Variants in KCNIP1 observed in about 807,000 individuals in gnomAD.
KCNIP1 encodes the protein potassium voltage-gated channel interacting protein 1, also known as A-type potassium channel modulatory protein KCNIP1.
In KCNIP1, 18 loss-of-function variants were observed where a neutral mutation model predicts 33.0. That is an observed-to-expected ratio of 0.55 (90% CI 0.38 to 0.81). The LOEUF (loss-of-function observed/expected upper bound fraction) is 0.81, where lower values mean the gene tolerates loss of function less well. Among genes scored for constraint, KCNIP1 ranks in the 30% least tolerant of loss-of-function variants. KCNIP1 has a pLI of 0.00. For synonymous variants in KCNIP1, 93 were observed against 98.3 expected (o/e 0.95, Z 0.32); for missense variants, 238 against 271.6 (o/e 0.88, Z 0.87).
At chr5:170,468,454 T>C (rs1301289147) in intron 1 of KCNIP1, among the ~76,000 whole-genome samples, 1 of 152,222 alleles carries the variant, frequency 6.6e-6, no homozygotes, top group African/African-American at 2.4e-5. Context: ...TGGAGGAACT[T>C]GGGTCCATAT....
At chr5:170,505,864 T>C (rs1369291385) in intron 1 of KCNIP1, among the ~76,000 whole-genome samples, 1 of 152,118 alleles carries the variant, frequency 6.6e-6, no homozygotes, top group South Asian at 2.1e-4. Flanking sequence ...TCCTAGAACA[T>C]AGGAAGAGGC....
intron 1 of KCNIP1, among the ~76,000 whole-genome samples, chr5:170,657,552 T>G (rs1198411437): frequency 1.3e-5 from 2 of 152,160 alleles, no homozygotes; most frequent in Non-Finnish European, 2.9e-5. Flanking sequence ...CCCTTGAGAT[T>G]AACCCTTTCC....
chr5:170,693,399 G>A (rs139782945), intron 1 of KCNIP1, among the ~76,000 whole-genome samples: 1 of 152,302 alleles, frequency 6.6e-6, no homozygotes, highest in East Asian at 1.9e-4. Flanking sequence ...CATCTGCTGT[G>A]CATCCTCTGT....
At position 170,675,002 on chromosome 5, in the gene KCNIP1, C is replaced by T. The variant is rs532152424; in HGVS notation, c.62-43756C>T. On this transcript the variant is annotated intron_variant, in intron 1 of 7. Transcript: ENST00000328939. ...TTTTTTTTTTTTAACCTTTCAGCAT[C>T]TGTCTAAAATTGCTCTGGGCTGGGT... is the stretch of plus-strand genomic sequence containing the variant. Among the ~76,000 whole-genome samples, 156 of 151,642 alleles carry T rather than the reference C, an allele frequency of 1.0e-3. 2 individuals are homozygous for T. Among genetic ancestry groups the T allele is most frequent in the African/African-American group, 3.6e-3 (148 of 41,332 alleles).
chr5:170,592,866 T>C (rs1758312250), intron 1 of KCNIP1, among the ~76,000 whole-genome samples: 1 of 152,188 alleles, frequency 6.6e-6, no homozygotes, highest in African/African-American at 2.4e-5. Context: ...AAATTAACAC[T>C]GCCATGCTTA....
intron 1 of KCNIP1, among the ~76,000 whole-genome samples, chr5:170,684,201 T>C (rs2113801577): frequency 1.3e-5 from 2 of 152,304 alleles, no homozygotes; most frequent in South Asian, 2.1e-4. Context: ...TTTCCTCATT[T>C]ATAAAATAAA....
chr5:170,720,522 C>CCACCT, intron 3 of KCNIP1, 132 bp downstream of exon 3: 1 of 718,138 alleles, frequency 1.4e-6, no homozygotes, highest in Non-Finnish European at 2.5e-6. Context: ...AGGACACCTC[C>CCACCT]CTCATCGTGA....
intron 1 of KCNIP1, among the ~76,000 whole-genome samples, chr5:170,486,704 C>T (rs970127177): frequency 1.3e-5 from 2 of 152,080 alleles, no homozygotes; most frequent in Non-Finnish European, 2.9e-5. Flanking sequence ...TTTTTGCAAT[C>T]AAAAATAACC....
At chr5:170,514,547 A>G (rs1755057510) in intron 1 of KCNIP1, among the ~76,000 whole-genome samples, 1 of 152,166 alleles carries the variant, frequency 6.6e-6, no homozygotes, top group Non-Finnish European at 1.5e-5. Context: ...GCCTCACCCC[A>G]CCAAGGGCTA....
chr5:170,474,590 A>C (rs1756809243), intron 1 of KCNIP1, among the ~76,000 whole-genome samples: 1 of 152,210 alleles, frequency 6.6e-6, no homozygotes, highest in South Asian at 2.1e-4. Context: ...CTTAAGCTTT[A>C]CATGTGTTAT....
intron 1 of KCNIP1, among the ~76,000 whole-genome samples, chr5:170,381,663 C>T (rs748972659): frequency 1.3e-5 from 2 of 152,260 alleles, no homozygotes; most frequent in African/African-American, 2.4e-5. Flanking sequence ...ACAGCAGTGG[C>T]TCCAGCATGT....
At chr5:170,630,675 G>C (rs1760022466) in intron 1 of KCNIP1, among the ~76,000 whole-genome samples, 1 of 152,200 alleles carries the variant, frequency 6.6e-6, no homozygotes, top group African/African-American at 2.4e-5. Flanking sequence ...AGAACATCAA[G>C]ACCAGGGGTC....
intron 1 of KCNIP1, among the ~76,000 whole-genome samples, chr5:170,505,925 C>T (rs1475289420): frequency 1.3e-5 from 2 of 152,202 alleles, no homozygotes; most frequent in Non-Finnish European, 2.9e-5. Context: ...AAGGAAGGGA[C>T]TGGTTGTCCT....
At chr5:170,382,525 C>T (rs1764282489) in intron 1 of KCNIP1, 1 of 152,374 alleles carries the variant, frequency 6.6e-6, no homozygotes, top group Non-Finnish European at 1.5e-5. Context: ...CCCTCTGATC[C>T]CTGTCTCCAC....
chr5:170,502,170 C>T (rs994934179), upstream of KCNIP1, among the ~76,000 whole-genome samples: 5 of 152,210 alleles, frequency 3.3e-5, no homozygotes, highest in African/African-American at 4.8e-5. Flanking sequence ...TGATCAGGCA[C>T]CTGCTTAATT....
intron 1 of KCNIP1, among the ~76,000 whole-genome samples, chr5:170,523,648 C>T (rs1414144428): frequency 2.6e-5 from 4 of 152,122 alleles, no homozygotes; most frequent in Non-Finnish European, 5.9e-5. Context: ...CTCTTCTTTA[C>T]TCCCTGCACG....
intron 1 of KCNIP1, among the ~76,000 whole-genome samples, chr5:170,618,044 G>A (rs766641762): frequency 6.6e-6 from 1 of 152,178 alleles, no homozygotes; most frequent in Non-Finnish European, 1.5e-5. Context: ...AGGGGAGAAA[G>A]GAAAGTGAAA....
At chr5:170,691,875 T>A (rs1762733626) in intron 1 of KCNIP1, among the ~76,000 whole-genome samples, 1 of 152,170 alleles carries the variant, frequency 6.6e-6, no homozygotes, top group South Asian at 2.1e-4. Flanking sequence ...ATCCTCACTC[T>A]CAGGAATTCA....
intron 1 of KCNIP1, among the ~76,000 whole-genome samples, chr5:170,482,715 G>T (rs1490534041): frequency 2.0e-5 from 3 of 152,144 alleles, no homozygotes; most frequent in Non-Finnish European, 4.4e-5. Context: ...GATTTCATCT[G>T]GTATGCTGTG....
Sources: allele counts gnomAD v4.1 joint callset (sites outside exome capture counted in the v4.1 genomes callset), GRCh38; gene constraint gnomAD v4.1.1; transcripts MANE v1.5; gene names NCBI Gene and HGNC (gene_info 2026-07-23, HGNC 2026-07-21).